The following MSI2 variants were observed in gnomAD, a reference collection of about 807,000 sequenced individuals.
MSI2 encodes the protein musashi RNA binding protein 2.
A neutral mutation model predicts 45.6 loss-of-function variants in MSI2; 17 were observed. The observed-to-expected ratio is 0.37, with a 90% confidence interval of 0.26 to 0.56. The LOEUF (loss-of-function observed/expected upper bound fraction) is 0.56. MSI2 is among the 20% of genes least tolerant of loss of function. MSI2 has a pLI of 0.77. For missense variants in MSI2, 293 were observed against 444.2 expected (o/e 0.66, Z 3.06); for synonymous variants, 156 against 158.2 (o/e 0.99, Z 0.11).
rs547211787 is a variant in MSI2, at chr17:57,309,073, C to T, written c.312+46881C>T. 2.0e-5 allele frequency among the ~76,000 whole-genome samples: 3 copies of T among 152,346 alleles called. No individual in the cohort carries two copies. The East Asian group carries it at 5.8e-4, about 29-fold the overall frequency. Reference sequence around the variant, plus strand: ...GCTCATGTGATCCTACAGGCTACAACTGAGTCTTCTTTGTAGTCTCAACGC... The same window carrying T: ...GCTCATGTGATCCTACAGGCTACAATTGAGTCTTCTTTGTAGTCTCAACGC... On this transcript the variant is annotated intron_variant, in intron 5 of 13. Coordinates refer to ENST00000284073, the MANE Select transcript of MSI2 (RefSeq NM_138962.4).
At chr17:57,479,938 A>G (rs2085615203) in intron 6 of MSI2, among the ~76,000 whole-genome samples, 1 of 152,210 alleles carries the variant, frequency 6.6e-6, no homozygotes, top group African/African-American at 2.4e-5. Flanking sequence ...AGAACAACTG[A>G]AATGTGTTAT....
intron 11 of MSI2, among the ~76,000 whole-genome samples, chr17:57,657,577 CAG>C (rs1358812470): frequency 6.6e-6 from 1 of 152,188 alleles, no homozygotes; most frequent in Non-Finnish European, 1.5e-5. Context: ...AAATGCAAGT[CAG>C]GGGATGGAAT....
intron 5 of MSI2, among the ~76,000 whole-genome samples, chr17:57,371,479 G>A (rs953123126): frequency 4.7e-5 from 7 of 148,104 alleles, no homozygotes; most frequent in African/African-American, 1.2e-4. Context: ...TGAACATTTC[G>A]GTACATTTTT....
chr17:57,318,188 AGAAGGTGGGAAGGTGG>A (rs71139986), intron 5 of MSI2, among the ~76,000 whole-genome samples: 36 of 151,934 alleles, frequency 2.4e-4, no homozygotes, highest in Admixed American at 2.2e-3. Context: ...TGAGAAGGTG[AGAAGGTGGGAAGGTGG>A]GAAGGTGGGA....
intron 5 of MSI2, among the ~76,000 whole-genome samples, chr17:57,301,035 C>T (rs755551356): frequency 1.3e-5 from 2 of 152,290 alleles, no homozygotes; most frequent in Middle Eastern, 3.4e-3. Flanking sequence ...CCTGTTTCTT[C>T]TCTGGGAGAG....
At chr17:57,618,925 G>C (rs1443167073) in intron 9 of MSI2, among the ~76,000 whole-genome samples, 1 of 152,212 alleles carries the variant, frequency 6.6e-6, no homozygotes, top group Admixed American at 6.5e-5. Flanking sequence ...CTGGGTTTTA[G>C]AGTCTTGAAT....
chr17:57,526,406 T>TGTGTGTGTGA (rs1567878007), intron 6 of MSI2, among the ~76,000 whole-genome samples: 1 of 120,906 alleles, frequency 8.3e-6, no homozygotes, highest in African/African-American at 3.4e-5. Context: ...TGTGTGTGTG[T>TGTGTGTGTGA]GTGACAGAGA....
At chr17:57,494,949 A>G (rs2085946322) in intron 6 of MSI2, among the ~76,000 whole-genome samples, 1 of 152,200 alleles carries the variant, frequency 6.6e-6, no homozygotes, top group African/African-American at 2.4e-5. Flanking sequence ...TACATTGCAC[A>G]ATTAGAAAAC....
chr17:57,290,400 G>C (rs1191191113), intron 5 of MSI2, among the ~76,000 whole-genome samples: 1 of 152,184 alleles, frequency 6.6e-6, no homozygotes, highest in African/African-American at 2.4e-5. Flanking sequence ...CCCTCCAACT[G>C]TTGGACTCAA....
rs767906483 is a variant in MSI2 at position 57,683,675 on chromosome 17, A to ATT, written c.*4172_*4173dup. On this transcript the variant is annotated 3_prime_UTR_variant, in exon 14 of 14. Transcript: ENST00000284073. The surrounding 1 kb of genome is among the most constrained non-coding windows in gnomAD (Gnocchi z 5.2). ...GTGGGGGGCTGGTGGGGGAGGGGAGATTTTTTTTTTTTTTTCTTGAATGTG... is the reference window on the plus strand; with the variant it reads ...GTGGGGGGCTGGTGGGGGAGGGGAGATTTTTTTTTTTTTTTTTCTTGAATGTG... The ATT allele has an allele frequency of 3.1e-4, 64 of 205,126 alleles. No homozygotes were observed. Among genetic ancestry groups the ATT allele is most frequent in the Middle Eastern group, 1.4e-3 (1 of 706 alleles). 12.7% of individuals were successfully genotyped at this position (205,126 alleles called of 1,614,324 possible).
intron 7 of MSI2, among the ~76,000 whole-genome samples, chr17:57,584,105 G>T (rs1285795058): frequency 6.6e-6 from 1 of 152,152 alleles, no homozygotes; most frequent in Non-Finnish European, 1.5e-5. Flanking sequence ...GCTCCAGACT[G>T]TGCTGCCCCC....
At chr17:57,313,862 C>T (rs947935066) in intron 5 of MSI2, among the ~76,000 whole-genome samples, 2 of 152,158 alleles carry the variant, frequency 1.3e-5, no homozygotes, top group Non-Finnish European at 2.9e-5. Context: ...ACCAAAGAGG[C>T]GGGCCTGCTG....
intron 5 of MSI2, among the ~76,000 whole-genome samples, chr17:57,345,886 C>G (rs1288306810): frequency 6.6e-6 from 1 of 151,764 alleles, no homozygotes; most frequent in Admixed American, 6.6e-5. Flanking sequence ...TCCTTACTGT[C>G]CTTTTTCTGT....
At chr17:57,646,413 A>G (rs1355036976) in intron 10 of MSI2, among the ~76,000 whole-genome samples, 1 of 152,236 alleles carries the variant, frequency 6.6e-6, no homozygotes, top group African/African-American at 2.4e-5. Context: ...GGTTGGTGAC[A>G]TCTTTCACTT....
intron 5 of MSI2, among the ~76,000 whole-genome samples, chr17:57,340,985 G>A (rs1325431417): frequency 6.6e-6 from 1 of 152,292 alleles, no homozygotes; most frequent in Non-Finnish European, 1.5e-5. Context: ...TTGCTCCCCC[G>A]GTATCCATTC....
At chr17:57,295,038 G>A (rs1472556653) in intron 5 of MSI2, among the ~76,000 whole-genome samples, 1 of 152,126 alleles carries the variant, frequency 6.6e-6, no homozygotes, top group Non-Finnish European at 1.5e-5. Flanking sequence ...AGCCAGGGAA[G>A]GCTTCATAGA....
At chr17:57,325,135 C>T (rs557507066) in intron 5 of MSI2, among the ~76,000 whole-genome samples, 2 of 152,272 alleles carry the variant, frequency 1.3e-5, no homozygotes, top group South Asian at 4.2e-4. Context: ...TGGAATACTA[C>T]CCAGCCATAA....
rs541574992 is a variant in MSI2 at position 57,624,994 on chromosome 17, G to A, written c.653-2235G>A. 1.3e-4 allele frequency among the ~76,000 whole-genome samples: 20 copies of A among 152,222 alleles called. No individual in the cohort carries two copies. The South Asian group carries it at 4.1e-3, about 32-fold the overall frequency. ...AAGGTGCTGGCTGATTCTGTGTCTG[G>A]TGAGGGCCCGCTTCCTCATAGATGG... On this transcript the variant is annotated intron_variant, in intron 9 of 13. Coordinates refer to ENST00000284073, the MANE Select transcript of MSI2 (RefSeq NM_138962.4).
chr17:57,693,372 G>C, the MSI2 span, among the ~76,000 whole-genome samples: 3 of 151,768 alleles, frequency 2.0e-5, no homozygotes, highest in Admixed American at 6.6e-5. Flanking sequence ...AGTAGAGATG[G>C]GATTTCACCA....
Sources: allele counts gnomAD v4.1 joint callset (sites outside exome capture counted in the v4.1 genomes callset), GRCh38; gene constraint gnomAD v4.1.1; non-coding constraint Gnocchi (gnomAD v3.1); transcripts MANE v1.5; gene names NCBI Gene and HGNC (gene_info 2026-07-23, HGNC 2026-07-21).